The following PPARGC1B variants were observed in gnomAD, a reference collection of about 807,000 sequenced individuals.
PPARGC1B encodes the protein PPARG coactivator 1 beta, also known as peroxisome proliferator-activated receptor gamma coactivator 1-beta.
Under a neutral mutation model 101.6 loss-of-function variants are expected in PPARGC1B, and 34 were observed. That is an observed-to-expected ratio of 0.33 (90% confidence interval 0.25 to 0.45). The LOEUF (loss-of-function observed/expected upper bound fraction) is 0.45, where lower values mean the gene tolerates loss of function less well. Among genes scored for constraint, PPARGC1B ranks in the 20% least tolerant of loss-of-function variants. The probability of loss-of-function intolerance (pLI) is 1.00; values close to 1 mark genes in which losing one functional copy is unlikely to be tolerated. For synonymous variants in PPARGC1B, 548 were observed against 539.3 expected (o/e 1.02, Z -0.22); for missense variants, 1,234 against 1,317.6 (o/e 0.94, Z 0.98).
chr5:149,824,566 C>T (rs966422735), intron 2 of PPARGC1B, among the ~76,000 whole-genome samples: 1 of 152,164 alleles, frequency 6.6e-6, no homozygotes, highest in Non-Finnish European at 1.5e-5. Flanking sequence ...AGGAGGGAAA[C>T]GACTTGCCTA....
intron 9 of PPARGC1B, among the ~76,000 whole-genome samples, chr5:149,840,543 G>A (rs758172627): frequency 5.9e-5 from 9 of 152,272 alleles, no homozygotes; most frequent in East Asian, 1.9e-4. Flanking sequence ...TCATTTGTAC[G>A]TAAGGGAGTT....
intron 1 of PPARGC1B, among the ~76,000 whole-genome samples, chr5:149,797,737 A>G (rs1757279257): frequency 6.6e-6 from 1 of 152,206 alleles, no homozygotes; most frequent in Non-Finnish European, 1.5e-5. Context: ...CCTGGCCAAC[A>G]TGGTGAAACC....
intron 1 of PPARGC1B, among the ~76,000 whole-genome samples, chr5:149,782,869 C>T (rs943867345): frequency 1.3e-5 from 2 of 152,212 alleles, no homozygotes; most frequent in Non-Finnish European, 2.9e-5. Flanking sequence ...GTTCAACATT[C>T]CCTCCTGACC....
intron 1 of PPARGC1B, chr5:149,732,909 C>A: frequency 4.7e-6 from 2 of 428,006 alleles, no homozygotes; most frequent in Non-Finnish European, 4.9e-6. Context: ...TCACCTTCCC[C>A]ACTCTCTGGC....
chr5:149,835,769 A>G (rs1370469642), intron 7 of PPARGC1B, among the ~76,000 whole-genome samples: 2 of 152,140 alleles, frequency 1.3e-5, no homozygotes, highest in Non-Finnish European at 2.9e-5. Context: ...TGCCATTAGT[A>G]GGTCACAGAA....
intron 1 of PPARGC1B, among the ~76,000 whole-genome samples, chr5:149,810,451 C>T (rs1166977381): frequency 6.6e-6 from 1 of 152,174 alleles, no homozygotes; most frequent in Non-Finnish European, 1.5e-5. Flanking sequence ...GGAGTCTGGG[C>T]TCTGCACAGC....
Position 149,850,678 on chromosome 5 carries a change from T to A in PPARGC1B, c.*3120T>A, listed in dbSNP as rs1759731867. The A allele has an allele frequency of 1.3e-5, 2 of 152,224 alleles. No homozygotes were observed. The highest frequency in any genetic ancestry group is 4.1e-4 in the South Asian group (2 of 4,830). 9.4% of individuals were successfully genotyped at this position (152,224 alleles called of 1,614,324 possible). ...CCATTGGCAACCATCTCGTTGTAGCTCTGTCCTAGTGTTTGCTCTTGATGA... is the reference window on the plus strand; with the variant it reads ...CCATTGGCAACCATCTCGTTGTAGCACTGTCCTAGTGTTTGCTCTTGATGA... On this transcript the variant is annotated 3_prime_UTR_variant, in exon 12 of 12. Transcript: ENST00000309241.
intron 1 of PPARGC1B, among the ~76,000 whole-genome samples, chr5:149,760,311 C>T (rs974585553): frequency 3.3e-5 from 5 of 152,108 alleles, no homozygotes; most frequent in East Asian, 3.9e-4. Flanking sequence ...CTATCCCAGC[C>T]GCAGTGCTCC....
In PPARGC1B at chr5:149,853,387, C is replaced by G. The variant is rs1405669335; in HGVS notation, c.*5829C>G. ...TCCAGAAGCAGCCACTTAGTAGACT[C>G]TCACGCAGAACTGAGAAATGCACTA... On this transcript the variant is annotated 3_prime_UTR_variant, in exon 12 of 12. Coordinates refer to ENST00000309241, the MANE Select transcript of PPARGC1B (RefSeq NM_133263.4). The surrounding 1 kb of genome is among the most constrained non-coding windows in gnomAD (Gnocchi z 4.2). The G allele has an allele frequency of 6.6e-6, 1 of 152,302 alleles. No individual in the cohort carries two copies. Among genetic ancestry groups the G allele is most frequent in the African/African-American group, 2.4e-5 (1 of 41,464 alleles). The allele number at this position is 152,302 out of a possible 1,614,324, so 9.4% of individuals were successfully genotyped here. A position where few individuals can be genotyped will look rare whatever the true frequency, so the allele number is the denominator to read the frequency against.
At position 149,837,061 on chromosome 5, in the gene PPARGC1B, G is replaced by T. The variant is rs747302115; in HGVS notation, c.2606G>T (p.Arg869Leu). 29 of 1,612,322 alleles carry T rather than the reference G, an allele frequency of 1.8e-5. No homozygotes were observed. Among genetic ancestry groups the T allele is most frequent in the Non-Finnish European group, 2.5e-5 (29 of 1,179,522 alleles). ...SPCHSWSPAT[R>L]RNFRCESRGP... ...TGCCACTCCTGGTCACCAGCCACTC[G>T]AAGGAACTTCAGGTATGAACAGGGG... The change falls in exon 8 of 12, where the codon CGA becomes CTA. Residue 869 changes from arginine to leucine, a missense_variant. By Grantham distance (102) the Arg-to-Leu change is moderately radical. This residue lies in a region of PPARGC1B where 497 missense variants were observed against 529.5 expected (regional missense o/e 0.94). Coordinates refer to ENST00000309241, the MANE Select transcript of PPARGC1B (RefSeq NM_133263.4). This position sits in a 1 kb window ranked among gnomAD's most constrained non-coding sequence, Gnocchi z 4.2.
intron 1 of PPARGC1B, among the ~76,000 whole-genome samples, chr5:149,761,249 T>C (rs1267416706): frequency 6.6e-6 from 1 of 152,178 alleles, no homozygotes; most frequent in Non-Finnish European, 1.5e-5. Context: ...GTGTGTGTGC[T>C]TGTGTGTATG....
At chr5:149,773,400 C>G (rs1756222459) in intron 1 of PPARGC1B, among the ~76,000 whole-genome samples, 1 of 152,252 alleles carries the variant, frequency 6.6e-6, no homozygotes, top group Non-Finnish European at 1.5e-5. Context: ...TGACCCTCCT[C>G]AGCCAGTGCT....
At chr5:149,778,022 C>T (rs1189087321) in intron 1 of PPARGC1B, among the ~76,000 whole-genome samples, 1 of 114,754 alleles carries the variant, frequency 8.7e-6, no homozygotes, top group African/African-American at 3.5e-5. Flanking sequence ...CACAGACACA[C>T]ACACAGAGTA....
chr5:149,847,127 G>T, intron 11 of PPARGC1B: 1 of 437,196 alleles, frequency 2.3e-6, no homozygotes, highest in Non-Finnish European at 4.3e-6. Context: ...CCCTTATGTG[G>T]CACTGCAGCA....
intron 1 of PPARGC1B, among the ~76,000 whole-genome samples, chr5:149,814,602 T>C (rs1757986298): frequency 6.6e-6 from 1 of 152,164 alleles, no homozygotes; most frequent in South Asian, 2.1e-4. Flanking sequence ...TTCCACTCAG[T>C]AGTTCTGAGA....
intron 7 of PPARGC1B, 132 bp from the exon 8 acceptor site, chr5:149,836,131 C>T (rs930738182): frequency 2.7e-6 from 2 of 741,282 alleles, no homozygotes; most frequent in East Asian, 2.5e-5. Flanking sequence ...TCAAGTAATC[C>T]ACCCACCTCA....
At chr5:149,804,705 C>T (rs1757536517) in intron 1 of PPARGC1B, among the ~76,000 whole-genome samples, 1 of 152,144 alleles carries the variant, frequency 6.6e-6, no homozygotes, top group South Asian at 2.1e-4. Context: ...GTGATGTAAT[C>T]CCCGTGAGTG....
chr5:149,768,598 C>T lies in PPARGC1B; in HGVS notation c.78+38178C>T, dbSNP rs566701141. Among the ~76,000 whole-genome samples, 28 of 148,706 alleles carry T rather than the reference C, an allele frequency of 1.9e-4. No homozygotes were observed. The South Asian group carries it at 5.3e-3, about 28-fold the overall frequency. On this transcript the variant is annotated intron_variant, in intron 1 of 11. Transcript: ENST00000309241. ...AGCTGAGACTATAAGTGCCCACCAC[C>T]ACGTCTGGCTAATTTTTGTATTTTC...
intron 6 of PPARGC1B, 97 bp from the exon 7 acceptor site, chr5:149,835,204 C>T: frequency 1.9e-6 from 2 of 1,068,228 alleles, no homozygotes; most frequent in South Asian, 2.6e-5. Context: ...GGAACCAGGG[C>T]CTGTCACAGC....
Sources: gnomAD v4.1 joint callset for allele counts (sites outside exome capture counted in the v4.1 genomes callset) on GRCh38, gnomAD v4.1.1 for gene constraint, gnomAD v4.1.1 regional missense constraint, Gnocchi (gnomAD v3.1) non-coding constraint, MANE v1.5 for transcripts, NCBI Gene and HGNC (gene_info 2026-07-23, HGNC 2026-07-21) for gene names.